CNGA2: variants seen among roughly 807,000 people sequenced by gnomAD.
The protein encoded by CNGA2 is cyclic nucleotide-gated channel alpha-2.
In CNGA2, 22 loss-of-function variants were observed where a neutral mutation model predicts 35.9. The observed-to-expected ratio is 0.61, with a 90% CI of 0.44 to 0.88. CNGA2 has a LOEUF of 0.88. CNGA2 is among the 40% of genes least tolerant of loss of function. The pLI, the probability that CNGA2 is intolerant of heterozygous loss-of-function variation, is 0.00. For missense variants in CNGA2, 555 were observed against 530.8 expected, an observed-to-expected ratio of 1.05 and a Z score of -0.45; for synonymous variants, 217 against 209.2, an observed-to-expected ratio of 1.04 and a Z score of -0.32.
At chrX:151,737,977 G>A (rs1177055924) in intron 1 of CNGA2, among the ~76,000 whole-genome samples, 2 of 104,568 alleles carry the variant, frequency 1.9e-5, no homozygotes, top group Non-Finnish European at 3.9e-5. Flanking sequence ...GCTCCTTAGG[G>A]AAAAGGGAAG....
chrX:151,735,216 C>A lies in CNGA2; in HGVS notation c.-27+273C>A, dbSNP rs191386291. 2.7e-5 allele frequency among the ~76,000 whole-genome samples: 3 copies of A among 111,952 alleles called. No homozygotes were observed. In the East Asian group the frequency reaches 8.4e-4, roughly 31 times the overall value. On this transcript the variant is annotated intron_variant, in intron 1 of 6. Transcript: ENST00000329903. ...TTGGACTTTTTACCAAATAATCATGCCTTACTCTAGGTTGTTAAACCACCC... is the reference window on the plus strand; with the variant it reads ...TTGGACTTTTTACCAAATAATCATGACTTACTCTAGGTTGTTAAACCACCC...
At chrX:151,741,112 A>G (rs2015301673) in intron 5 of CNGA2, among the ~76,000 whole-genome samples, 1 of 111,946 alleles carries the variant, frequency 8.9e-6, no homozygotes, top group Non-Finnish European at 1.9e-5. Flanking sequence ...TGCATCCTCC[A>G]CATTTGCAAC....
intron 6 of CNGA2, 69 bp from the exon 7 acceptor site, chrX:151,743,024 A>ATGTGTGTGTGTG (rs1438247993): frequency 3.8e-6 from 1 of 262,699 alleles, no homozygotes; most frequent in Non-Finnish European, 6.4e-6. Context: ...ATATGTATAT[A>ATGTGTGTGTGTG]TATGCACATA....
chrX:151,743,858 T>C lies in CNGA2; in HGVS notation c.1355T>C (p.Val452Ala). The C allele has an allele frequency of 8.3e-7, 1 of 1,211,512 alleles. No individual in the cohort carries two copies. Among genetic ancestry groups the C allele is most frequent in the Non-Finnish European group, 1.1e-6 (1 of 895,506 alleles). The change falls in exon 7 of 7, where the codon GTG becomes GCG. Residue 452 changes from valine (V) to alanine (A), a missense_variant. Coordinates refer to ENST00000329903, the MANE Select transcript of CNGA2 (RefSeq NM_005140.3). Reference protein sequence around the residue: ...INVHLSTLKKVRIFHDCEAGL... With the variant: ...INVHLSTLKKARIFHDCEAGL... Reference sequence around the variant, plus strand: ...GTCCACTTGTCCACACTCAAGAAAGTGCGCATCTTCCATGATTGTGAGGCT... The same window carrying C: ...GTCCACTTGTCCACACTCAAGAAAGCGCGCATCTTCCATGATTGTGAGGCT...
rs748514131 is a variant in CNGA2, at chrX:151,740,872, C to T, written c.453C>T (p.Val151=). Reference sequence around the variant, plus strand: ...GGCTATTTGTCATTGCCATGCCCGTCCTTTACAACTGGTGCCTGCTGGTGG... The same window carrying T: ...GGCTATTTGTCATTGCCATGCCCGTTCTTTACAACTGGTGCCTGCTGGTGG... ...YCWLFVIAMP[V]LYNWCLLVAR... Residue 151 remains valine (V), a synonymous_variant, in exon 5 of 7, where the codon GTC becomes GTT. Transcript: ENST00000329903. 5 of 1,209,043 alleles carry T rather than the reference C, an allele frequency of 4.1e-6. No individual in the cohort carries two copies. In the Admixed American group the frequency reaches 1.1e-4, roughly 26 times the overall value.
Position 151,744,900 on chromosome X carries a change from T to G in CNGA2, c.*402T>G. The G allele has an allele frequency of 7.1e-6, 1 of 141,273 alleles. No individual in the cohort carries two copies. Among genetic ancestry groups the G allele is most frequent in the East Asian group, 1.8e-4 (1 of 5,535 alleles). 11.6% of individuals were successfully genotyped at this position (141,273 alleles called of 1,213,427 possible). A position where few individuals can be genotyped will look rare whatever the true frequency, so the allele number is the denominator to read the frequency against. On this transcript the variant is annotated 3_prime_UTR_variant, in exon 7 of 7. Transcript: ENST00000329903. ...ACTTCGAGCACCGACTATAGACATT[T>G]AGATCAGGTACCCAGTGTCTGTCTC...
Position 151,738,556 on chromosome X carries a change from A to G in CNGA2, c.73A>G (p.Lys25Glu), listed in dbSNP as rs2015270933. ...NHNHHAPPAI[K>E]ANGKDDHRTS... ...CAACCATCATGCACCTCCTGCCATC[A>G]AGGCCAATGGCAAAGATGACCACAG... Residue 25 changes from lysine (K) to glutamate (E), a missense_variant, in exon 2 of 7, where the codon AAG (lysine) becomes GAG (glutamate). Transcript: ENST00000329903. 2.5e-6 allele frequency: 3 copies of G among 1,211,328 alleles called. No individual in the cohort carries two copies. The East Asian group carries it at 8.9e-5, about 36-fold the overall frequency.
Position 151,738,783 on chromosome X carries a change from G to T in CNGA2, c.111-4G>T. 2.6e-6 allele frequency: 3 copies of T among 1,162,215 alleles called. No homozygotes were observed. Among genetic ancestry groups the T allele is most frequent in the East Asian group, 6.4e-5 (2 of 31,397 alleles). On this transcript the variant is annotated splice_region_variant and splice_polypyrimidine_tract_variant and intron_variant, in intron 2 of 6. Coordinates refer to ENST00000329903, the MANE Select transcript of CNGA2 (RefSeq NM_005140.3). ...CTGGGTCAATTCTGCTCTTTTTTCT[G>T]CAGGCCACACTCTGCAGCTGACGAT...
rs977441142 is a variant in CNGA2, at chrX:151,738,599, T to A, written c.110+6T>A. The A allele has an allele frequency of 8.4e-7, 1 of 1,190,320 alleles. No homozygotes were observed. On this transcript the variant is annotated splice_donor_region_variant and intron_variant, in intron 2 of 6. Coordinates refer to ENST00000329903, the MANE Select transcript of CNGA2 (RefSeq NM_005140.3). ...GACCACAGGACAAGCAGCAGGTGAG[T>A]CTGCATGGTATCAGGGAAGGTACAG... is the stretch of plus-strand genomic sequence containing the variant.
At chrX:151,739,859 G>C (rs760964495) in intron 4 of CNGA2, 127 bp downstream of exon 4, 16 of 753,033 alleles carry the variant, frequency 2.1e-5, no homozygotes, top group Admixed American at 3.5e-5. Context: ...TGGTGGGCAA[G>C]GGTGATTTGC....
rs1270412517 is a variant in CNGA2, at chrX:151,743,435, A to G, written c.932A>G (p.Asn311Ser). Residue 311 changes from asparagine (N) to serine (S), a missense_variant, in exon 7 of 7, where the codon AAC (asparagine) becomes AGC (serine). Transcript: ENST00000329903. ...GFGVDTWVYP[N>S]ITDPEYGYLA... The stretch of plus-strand genomic sequence containing the variant: ...GGGGTCGACACCTGGGTTTACCCAA[A>G]CATCACTGACCCTGAGTATGGCTAC... 3 of 1,210,806 alleles carry G rather than the reference A, an allele frequency of 2.5e-6. No homozygotes were observed. The highest frequency in any genetic ancestry group is 3.4e-6 in the Non-Finnish European group (3 of 895,303).
At chrX:151,742,929 T>TATATATATATATATATACACATAC (rs1410986643) in intron 6 of CNGA2, among the ~76,000 whole-genome samples, 164 bp from the exon 7 acceptor site, 2 of 77,447 alleles carry the variant, frequency 2.6e-5, no homozygotes, top group African/African-American at 1.2e-4. Flanking sequence ...GGGAAGGATA[T>TATATATATATATATATACACATAC]ATATATATAT....
intron 3 of CNGA2, among the ~76,000 whole-genome samples, 189 bp from the exon 4 acceptor site, chrX:151,739,373 A>G (rs1311686456): frequency 1.8e-5 from 2 of 112,242 alleles, no homozygotes; most frequent in East Asian, 5.6e-4. Context: ...GTCATGCCTG[A>G]GCCCCAGCCC....
intron 6 of CNGA2, 139 bp from the exon 7 acceptor site, chrX:151,742,954 A>ATATATATATG (rs1569428291): frequency 2.1e-4 from 15 of 71,382 alleles, no homozygotes; most frequent in African/African-American, 1.0e-3. Context: ...ATATGTATAT[A>ATATATATATG]TATATGTATA....
rs1369041743 is a variant in CNGA2 at position 151,738,876 on chromosome X, G to A, written c.200G>A (p.Arg67His). 14 of 1,161,616 alleles carry A rather than the reference G, an allele frequency of 1.2e-5. No homozygotes were observed. The highest frequency in any genetic ancestry group is 1.9e-5 in the South Asian group (1 of 51,642). The change falls in exon 3 of 7, where the codon CGC becomes CAC. Residue 67 changes from arginine to histidine, a missense_variant. By Grantham distance (29) the Arg-to-His change is conservative. Coordinates refer to ENST00000329903, the MANE Select transcript of CNGA2 (RefSeq NM_005140.3). ...CCACAGCAGGGAAGGAGTGGCTTCC[G>A]CAGGTGGGTCCCACCACTACCCTGC... ...DAPQQGRSGFRRIVRLVGIIR... is the reference protein window; with the variant it reads ...DAPQQGRSGFHRIVRLVGIIR...
chrX:151,740,993 C>T, intron 5 of CNGA2, 92 bp downstream of exon 5: 1 of 612,397 alleles, frequency 1.6e-6, no homozygotes, highest in Non-Finnish European at 2.8e-6. Context: ...ATACCAATGG[C>T]ACCTCCAACT....
Position 151,743,616 on chromosome X carries a change from G to A in CNGA2, c.1113G>A (p.Val371=). 4 of 1,211,370 alleles carry A rather than the reference G, an allele frequency of 3.3e-6. No individual in the cohort carries two copies. Among genetic ancestry groups the A allele is most frequent in the Non-Finnish European group, 1.1e-6 (1 of 895,471 alleles). ...TCTTTGCCACCATCGTGGGAAATGT[G>A]GGCTCCATGATCTCCAACATGAATG... ...VLIFATIVGN[V]GSMISNMNAT... Residue 371 remains valine (V), a synonymous_variant, in exon 7 of 7, where the codon GTG becomes GTA. Transcript: ENST00000329903.
Position 151,743,979 on chromosome X carries a change from C to T in CNGA2, c.1476C>T (p.Tyr492=), listed in dbSNP as rs752526102. ...CRKGDIGKEM[Y]IIKEGKLAVV... The stretch of plus-strand genomic sequence containing the variant: ...AAGGGGACATCGGCAAGGAGATGTA[C>T]ATCATTAAGGAGGGCAAACTGGCAG... Residue 492 remains tyrosine (Y), a synonymous_variant, in exon 7 of 7, where the codon TAC becomes TAT. Coordinates refer to ENST00000329903, the MANE Select transcript of CNGA2 (RefSeq NM_005140.3). The T allele has an allele frequency of 2.3e-5, 28 of 1,209,421 alleles. No individual in the cohort carries two copies. The highest frequency in any genetic ancestry group is 3.1e-5 in the Non-Finnish European group (28 of 895,210).
In CNGA2 at chrX:151,743,154, C is replaced by A. The variant is rs761332883; in HGVS notation, c.651C>A (p.His217Gln). 8.4e-7 allele frequency: 1 copy of A among 1,195,639 alleles called. No individual in the cohort carries two copies. Among genetic ancestry groups the A allele is most frequent in the African/African-American group, 1.9e-5 (1 of 53,211 alleles). Reference sequence around the variant, plus strand: ...AGAAACTGCGAGACAACTACATCCACACCCTGCAGTTCAAGCTGGATGTGG... The same window carrying A: ...AGAAACTGCGAGACAACTACATCCAAACCCTGCAGTTCAAGCTGGATGTGG... Reference protein sequence around the residue: ...DTKKLRDNYIHTLQFKLDVAS... With the variant: ...DTKKLRDNYIQTLQFKLDVAS... The change falls in exon 7 of 7, where the codon CAC becomes CAA. Residue 217 changes from histidine to glutamine, a missense_variant. Coordinates refer to ENST00000329903, the MANE Select transcript of CNGA2 (RefSeq NM_005140.3).
Sources: gnomAD v4.1 joint callset for allele counts (sites outside exome capture counted in the v4.1 genomes callset) on GRCh38, gnomAD v4.1.1 for gene constraint, MANE v1.5 for transcripts, NCBI Gene and HGNC (gene_info 2026-07-23, HGNC 2026-07-21) for gene names.